Variants in TMC4 observed in about 807,000 individuals in gnomAD.
TMC4 encodes the protein transmembrane channel like 4.
A neutral mutation model predicts 82.0 loss-of-function variants in TMC4; 70 were observed. That is an observed-to-expected ratio of 0.85 (90% confidence interval 0.70 to 1.04). TMC4 has a LOEUF of 1.04. Ranked by LOEUF, TMC4 falls within the 50% of genes least tolerant of loss-of-function variation. TMC4 has a pLI of 0.00. For missense variants in TMC4, 879 were observed against 899.0 expected, an observed-to-expected ratio of 0.98 and a Z score of 0.28; for synonymous variants, 446 against 406.0, an observed-to-expected ratio of 1.10 and a Z score of -1.18.
At chr19:54,161,373 T>A (rs1371022718) in intron 11 of TMC4, 113 bp from the exon 12 acceptor site, 38 of 1,252,720 alleles carry the variant, frequency 3.0e-5, no homozygotes, top group Non-Finnish European at 3.8e-5. Flanking sequence ...AGGCTTTTTT[T>A]TTTGAGACAG....
At chr19:54,165,120 C>T (rs1338073429) in intron 6 of TMC4, among the ~76,000 whole-genome samples, 1 of 147,466 alleles carries the variant, frequency 6.8e-6, no homozygotes, top group Non-Finnish European at 1.5e-5. Context: ...GTTGCCCAGG[C>T]TGGTCTCGAA....
rs576452003 is a variant in TMC4, at chr19:54,163,626, G to A, written c.1277+98C>T. The stretch of plus-strand genomic sequence containing the variant: ...AGTCAGGATTTGAATCCCTGGATTC[G>A]GTATCAGCAGGATTTCCGTGTCTTA... On this transcript the variant is annotated intron_variant, in intron 8 of 14. Transcript: ENST00000619895. 18 of 1,398,342 alleles carry A rather than the reference G, an allele frequency of 1.3e-5. No individual in the cohort carries two copies. In the East Asian group the frequency reaches 1.6e-4, roughly 12 times the overall value. The allele number at this position is 1,398,342 out of a possible 1,614,324, so 86.6% of individuals were successfully genotyped here. A position where few individuals can be genotyped will look rare whatever the true frequency, so the allele number is the denominator to read the frequency against.
intron 14 of TMC4, 22 bp downstream of exon 14, chr19:54,160,445 C>G (rs2146855041): frequency 6.2e-7 from 1 of 1,612,364 alleles, no homozygotes; most frequent in Non-Finnish European, 8.5e-7. Flanking sequence ...CAGGGGCCCT[C>G]TCAGGGACCC....
rs770000516 is a variant in TMC4, at chr19:54,169,553, C to T, written c.401G>A (p.Arg134Gln). Residue 134 changes from arginine to glutamine, a missense_variant, in exon 3 of 15, where the codon CGA becomes CAA. Physicochemically the swap from Arg to Gln is conservative, Grantham distance 43. Transcript: ENST00000619895. The part of the protein sequence containing the change: ...RSKEKTKEGL[R>Q]SLQPWAWTLK... ...TGTCCACGCCCAGGGCTGCAGGCTT[C>T]GCAAGCCTTCCTTTGTTTTCTCCTT... 16 of 1,613,718 alleles carry T rather than the reference C, an allele frequency of 9.9e-6. No individual in the cohort carries two copies. The South Asian group carries it at 1.1e-4, about 11-fold the overall frequency.
At position 54,172,066 on chromosome 19, in the gene TMC4, CAG is replaced by C; in HGVS notation, c.95_96del (p.Ser32CysfsTer82). 1.2e-6 allele frequency: 2 copies of C among 1,603,684 alleles called. No individual in the cohort carries two copies. The highest frequency in any genetic ancestry group is 1.7e-6 in the Non-Finnish European group (2 of 1,174,110). The part of the protein sequence containing the change: ...REARGGPSLS[S>X]VLNELPSAAT... ...GCAGCACTGGGCAGCTCGTTCAGCA[CAG>C]AAGACAGCGATGGGCCTGGGGAGGA... On this transcript the variant is annotated frameshift_variant, in exon 2 of 15. Transcript: ENST00000619895. LOFTEE classifies it high-confidence loss of function.
chr19:54,161,088 G>A (rs979524611), intron 12 of TMC4, 42 bp downstream of exon 12: 40 of 1,605,162 alleles, frequency 2.5e-5, no homozygotes, highest in Non-Finnish European at 3.2e-5. Flanking sequence ...ACACTGAATG[G>A]GGAGAGAGGG....
rs993938210 is a variant in TMC4 at position 54,161,006 on chromosome 19, T to C, written c.1845A>G (p.Pro615=). 1 of 1,614,094 alleles carries C rather than the reference T, an allele frequency of 6.2e-7. No homozygotes were observed. ...CCCAGATGGACGACTGCCCCCGGAA[T>C]GGACCACACAGCTTAGAAGGCGGGA... ...FLIPPSKLCG[P]FRGQSSIWAQ... Residue 615 remains proline (P), a synonymous_variant, in exon 13 of 15, where the codon CCA becomes CCG. Transcript: ENST00000619895.
chr19:54,165,249 C>T (rs931811415), intron 6 of TMC4, among the ~76,000 whole-genome samples, 170 bp downstream of exon 6: 1 of 152,036 alleles, frequency 6.6e-6, no homozygotes, highest in Admixed American at 6.6e-5. Context: ...TCGGGCAGCC[C>T]TATCTCGGCC....
At chr19:54,163,977 CT>C (rs66823569) in intron 7 of TMC4, 90 bp from the exon 8 acceptor site, 39,438 of 999,028 alleles carry the variant, frequency 0.039, no homozygotes, top group Middle Eastern at 0.046. Flanking sequence ...TCTTCTTCTT[CT>C]TTTTTTTTTT....
rs748370108 is a variant in TMC4 at position 54,165,401 on chromosome 19, C to G, written c.945+18G>C. On this transcript the variant is annotated intron_variant, in intron 6 of 14. Coordinates refer to ENST00000619895, the MANE Select transcript of TMC4 (RefSeq NM_144686.4). The stretch of plus-strand genomic sequence containing the variant: ...GTCTGGTCCCTACCCAGTTGCAGAC[C>G]CCGCTCCCTAATCGCACCTTTAATT... 5.1e-6 allele frequency: 8 copies of G among 1,582,488 alleles called. No homozygotes were observed. The Admixed American group carries it at 6.8e-5, about 13-fold the overall frequency.
chr19:54,171,269 C>T (rs2075882224), intron 2 of TMC4, among the ~76,000 whole-genome samples: 1 of 152,070 alleles, frequency 6.6e-6, no homozygotes, highest in African/African-American at 2.4e-5. Flanking sequence ...CCACCACACC[C>T]AGCTAATGTT....
intron 1 of TMC4, chr19:54,172,774 C>T (rs949749618): frequency 1.4e-5 from 6 of 428,418 alleles, no homozygotes; most frequent in African/African-American, 8.2e-5. Flanking sequence ...AGTGTGGGAA[C>T]CCAGCCTCTC....
chr19:54,164,297 A>G, intron 7 of TMC4, 137 bp downstream of exon 7: 5 of 1,161,846 alleles, frequency 4.3e-6, no homozygotes, highest in Non-Finnish European at 4.9e-6. Flanking sequence ...AAAATCCCTA[A>G]GTCCAGGGTC....
At position 54,160,902 on chromosome 19, in the gene TMC4, G is replaced by A; in HGVS notation, c.1949C>T (p.Ala650Val). 6.2e-7 allele frequency: 1 copy of A among 1,614,132 alleles called. No homozygotes were observed. The highest frequency in any genetic ancestry group is 8.5e-7 in the Non-Finnish European group (1 of 1,180,018). ...FLFFLGTQAF[A>V]VPLLLISSIL... is the part of the protein sequence containing the mutation. ...CCTGGAGATCAGCAGAAGGGGCACA[G>A]CAAAAGCCTGGGTCCCCAGGAAGAA... The change falls in exon 13 of 15, where the codon GCT (alanine) becomes GTT (valine). Residue 650 changes from alanine (A) to valine (V), a missense_variant. Transcript: ENST00000619895.
Position 54,161,035 on chromosome 19 carries a change from T to C in TMC4, c.1818-2A>G, listed in dbSNP as rs1389350699. On this transcript the variant is annotated splice_acceptor_variant, in intron 12 of 14. Coordinates refer to ENST00000619895, the MANE Select transcript of TMC4 (RefSeq NM_144686.4). LOFTEE classifies it high-confidence loss of function. ...CCACACAGCTTAGAAGGCGGGATCC[T>C]GAAGTCAAGACAGGCTGGGCTCACA... is the stretch of plus-strand genomic sequence containing the variant. 3.7e-6 allele frequency: 6 copies of C among 1,614,036 alleles called. No homozygotes were observed. The highest frequency in any genetic ancestry group is 5.1e-6 in the Non-Finnish European group (6 of 1,179,984).
At position 54,173,053 on chromosome 19, in the gene TMC4, CG is replaced by C; in HGVS notation, c.64del (p.Arg22GlyfsTer13). On this transcript the variant is annotated frameshift_variant, in exon 1 of 15. Coordinates refer to ENST00000619895, the MANE Select transcript of TMC4 (RefSeq NM_144686.4). LOFTEE classifies it high-confidence loss of function. ...GCATTCCCTACCTCCTCTGGCCTCC[CG>C]GGGGGCCAGCCACTCCCTAGAGGAG... ...WGSSREWLAP[R>X]EARGGPSLSS... 12 of 1,612,970 alleles carry C rather than the reference CG, an allele frequency of 7.4e-6. No individual in the cohort carries two copies. Among genetic ancestry groups the C allele is most frequent in the Admixed American group, 1.7e-5 (1 of 59,888 alleles).
chr19:54,165,611 G>C, intron 5 of TMC4, 45 bp from the exon 6 acceptor site: 1 of 1,575,392 alleles, frequency 6.3e-7, no homozygotes, highest in Non-Finnish European at 8.6e-7. Context: ...GGACAGCCAG[G>C]AACGGGGGTT....
chr19:54,164,658 G>T lies in TMC4; in HGVS notation c.946-57C>A, dbSNP rs113570942. Reference sequence around the variant, plus strand: ...CATTTCCCAAGGCGCGGGCCTCCCGGTTCCCCAGGTCTGGCTCTCCAGAGA... The same window carrying T: ...CATTTCCCAAGGCGCGGGCCTCCCGTTTCCCCAGGTCTGGCTCTCCAGAGA... On this transcript the variant is annotated intron_variant, in intron 6 of 14. Coordinates refer to ENST00000619895, the MANE Select transcript of TMC4 (RefSeq NM_144686.4). The T allele has an allele frequency of 5.6e-6, 9 of 1,600,560 alleles. No individual in the cohort carries two copies. The South Asian group carries it at 7.7e-5, about 14-fold the overall frequency.
Position 54,168,512 on chromosome 19 carries a change from T to C in TMC4, c.611A>G (p.Tyr204Cys), listed in dbSNP as rs2075760826. The C allele has an allele frequency of 5.2e-6, 8 of 1,548,640 alleles. No individual in the cohort carries two copies. Among genetic ancestry groups the C allele is most frequent in the East Asian group, 4.9e-5 (2 of 40,986 alleles). Residue 204 changes from tyrosine (Y) to cysteine (C), a missense_variant, in exon 4 of 15, where the codon TAT becomes TGT. Transcript: ENST00000619895. ...GACCAGGCCCTGGGAGTGGGGGTTATAGGAGCCGCAGGGCGAGGAGATGTC... is the reference window on the plus strand; with the variant it reads ...GACCAGGCCCTGGGAGTGGGGGTTACAGGAGCCGCAGGGCGAGGAGATGTC... ...GPDISSPCGS[Y>C]NPHSQGLVTF...
Sources: allele counts gnomAD v4.1 joint callset (sites outside exome capture counted in the v4.1 genomes callset), GRCh38; gene constraint gnomAD v4.1.1; transcripts MANE v1.5; gene names NCBI Gene and HGNC (gene_info 2026-07-23, HGNC 2026-07-21).